Variants in FUT8 observed in about 807,000 individuals in gnomAD.
FUT8 encodes the protein alpha-(1,6)-fucosyltransferase.
FUT8 carries 29 observed loss-of-function variants against 71.3 expected under a neutral mutation model. That is an observed-to-expected ratio of 0.41 (90% CI 0.30 to 0.55). FUT8 has a LOEUF of 0.55. FUT8 is among the 20% of genes least tolerant of loss of function. The pLI, the probability that FUT8 is intolerant of heterozygous loss-of-function variation, is 0.34. For synonymous variants in FUT8, 254 were observed against 239.3 expected (o/e 1.06, Z -0.57); for missense variants, 544 against 702.1 (o/e 0.77, Z 2.55).
At chr14:65,626,870 T>C (rs1370645166) in intron 5 of FUT8, among the ~76,000 whole-genome samples, 1 of 152,204 alleles carries the variant, frequency 6.6e-6, no homozygotes, top group African/African-American at 2.4e-5. Context: ...ATCCATAATC[T>C]TAAGCATGCC....
At chr14:65,716,911 C>T (rs1376958837) in intron 7 of FUT8, among the ~76,000 whole-genome samples, 1 of 146,920 alleles carries the variant, frequency 6.8e-6, no homozygotes, top group African/African-American at 2.5e-5. Flanking sequence ...AGGCGCTCCC[C>T]ACTTCCCAGA....
the FUT8 span, among the ~76,000 whole-genome samples, chr14:65,393,625 G>A: frequency 1.3e-5 from 2 of 152,206 alleles, no homozygotes; most frequent in African/African-American, 4.8e-5. Flanking sequence ...TTCTGAGCAG[G>A]AAATGGCCTT....
intron 2 of FUT8, among the ~76,000 whole-genome samples, chr14:65,499,837 C>T (rs8012834): frequency 0.65 from 97,713 of 150,508 alleles, 31,934 homozygotes; most frequent in East Asian, 0.77. Flanking sequence ...AAAAAAATGC[C>T]AGCAAATAGT....
chr14:65,358,017 G>A, the FUT8 span, among the ~76,000 whole-genome samples: 22 of 152,148 alleles, frequency 1.4e-4, no homozygotes, highest in Non-Finnish European at 2.8e-4. Flanking sequence ...GAGTAGAATA[G>A]TGGTTACCAG....
At chr14:65,449,783 T>C (rs1374680573) in intron 1 of FUT8, among the ~76,000 whole-genome samples, 1 of 152,242 alleles carries the variant, frequency 6.6e-6, no homozygotes, top group Non-Finnish European at 1.5e-5. Context: ...GCTCACTTTC[T>C]TGGTTGAAGC....
Position 65,583,086 on chromosome 14 carries a change from C to T in FUT8, c.203+21320C>T, listed in dbSNP as rs1887177158. On this transcript the variant is annotated intron_variant, in intron 3 of 10. Coordinates refer to ENST00000673929, the MANE Select transcript of FUT8 (RefSeq NM_001371533.1). Reference sequence around the variant, plus strand: ...AATTAAAACTTAACATCTTTAGATGCCATCTTTTTTTAGAAAAAGATTTTA... The same window carrying T: ...AATTAAAACTTAACATCTTTAGATGTCATCTTTTTTTAGAAAAAGATTTTA... Among the ~76,000 whole-genome samples the T allele has an allele frequency of 2.0e-5, 3 of 152,194 alleles. No homozygotes were observed. In the South Asian group the frequency reaches 6.2e-4, roughly 31 times the overall value.
intron 7 of FUT8, among the ~76,000 whole-genome samples, chr14:65,680,042 A>G (rs140433618): frequency 4.5e-4 from 69 of 152,316 alleles, no homozygotes; most frequent in Non-Finnish European, 8.7e-4. Flanking sequence ...AACCAATAGG[A>G]TATATAGTGA....
intron 2 of FUT8, among the ~76,000 whole-genome samples, chr14:65,517,698 C>G (rs1882807145): frequency 6.6e-6 from 1 of 152,178 alleles, no homozygotes; most frequent in African/African-American, 2.4e-5. Context: ...TTTCCTTCTA[C>G]CAAACTGCCA....
chr14:65,468,027 C>G, intron 2 of FUT8: 1 of 678,434 alleles, frequency 1.5e-6, no homozygotes, highest in Admixed American at 2.0e-5. Flanking sequence ...CACATTAATT[C>G]TCTTGGCAAG....
chr14:65,496,849 T>C (rs1349877357), intron 2 of FUT8, among the ~76,000 whole-genome samples: 1 of 152,116 alleles, frequency 6.6e-6, no homozygotes, highest in Non-Finnish European at 1.5e-5. Context: ...GCCGTGGTGC[T>C]TCAGAAAGTT....
intron 10 of FUT8, 43 bp downstream of exon 10, chr14:65,733,424 G>A (rs1006558437): frequency 6.9e-7 from 1 of 1,450,968 alleles, no homozygotes; most frequent in Non-Finnish European, 9.3e-7. Context: ...ATACTTTTTG[G>A]TTGTATAGGA....
chr14:65,635,648 G>A (rs575981431), intron 6 of FUT8, among the ~76,000 whole-genome samples: 14 of 152,132 alleles, frequency 9.2e-5, no homozygotes, highest in East Asian at 3.8e-4. Context: ...ATTGACTTGC[G>A]TATATTAAAC....
At chr14:65,422,199 A>T (rs1034436772) in intron 1 of FUT8, among the ~76,000 whole-genome samples, 7 of 152,180 alleles carry the variant, frequency 4.6e-5, no homozygotes, top group Admixed American at 4.6e-4. Context: ...AATGGAACCA[A>T]TCCAGAAAAA....
intron 1 of FUT8, among the ~76,000 whole-genome samples, chr14:65,436,023 T>G (rs1021829136): frequency 9.9e-5 from 15 of 150,902 alleles, no homozygotes; most frequent in Admixed American, 9.9e-4. Context: ...CAGACGACTC[T>G]GAACTCAAGC....
intron 7 of FUT8, among the ~76,000 whole-genome samples, chr14:65,699,768 T>A (rs1020885076): frequency 6.6e-6 from 1 of 152,228 alleles, no homozygotes; most frequent in African/African-American, 2.4e-5. Context: ...TTTTATTCCT[T>A]ACAACCAGTG....
Position 65,669,183 on chromosome 14 carries a change from AG to A in FUT8, c.598-59del. ...GAAGATGAAAGATTAAAAAAAAAAA[AG>A]AGCAGTTGACCTCTCTGTACAACTT... On this transcript the variant is annotated intron_variant, in intron 6 of 10. Transcript: ENST00000673929. This position sits in a 1 kb window ranked among gnomAD's most constrained non-coding sequence, Gnocchi z 4.5. The A allele has an allele frequency of 8.1e-7, 1 of 1,227,328 alleles. No homozygotes were observed. Among genetic ancestry groups the A allele is most frequent in the Non-Finnish European group, 1.2e-6 (1 of 866,144 alleles). 76.0% of individuals were successfully genotyped at this position (1,227,328 alleles called of 1,614,324 possible).
intron 3 of FUT8, among the ~76,000 whole-genome samples, chr14:65,612,478 C>A (rs1008484676): frequency 1.3e-5 from 2 of 152,164 alleles, no homozygotes; most frequent in Non-Finnish European, 1.5e-5. Context: ...TTAGAGAGTT[C>A]TTTCCCCAGC....
chr14:65,575,774 G>A (rs551416195), intron 3 of FUT8, among the ~76,000 whole-genome samples: 15 of 152,022 alleles, frequency 9.9e-5, no homozygotes, highest in African/African-American at 3.6e-4. Context: ...GCGCGTTGCT[G>A]TGGCCTGGCT....
the FUT8 span, among the ~76,000 whole-genome samples, chr14:65,386,520 AAAAAAAAAAG>A: frequency 6.6e-6 from 1 of 151,362 alleles, no homozygotes. Context: ...AAAAAAAAAA[AAAAAAAAAAG>A]AAAGGGAAGT....
Sources: gnomAD v4.1 joint callset for allele counts (sites outside exome capture counted in the v4.1 genomes callset) on GRCh38, gnomAD v4.1.1 for gene constraint, Gnocchi (gnomAD v3.1) non-coding constraint, MANE v1.5 for transcripts, NCBI Gene and HGNC (gene_info 2026-07-23, HGNC 2026-07-21) for gene names.